The following MECOM variants were observed in gnomAD, a reference collection of about 807,000 sequenced individuals.
The protein encoded by MECOM is histone-lysine N-methyltransferase MECOM.
A neutral mutation model predicts 116.3 loss-of-function variants in MECOM; 13 were observed. The ratio of observed to expected loss-of-function variants is 0.11; its 90% CI spans 0.07 to 0.18. MECOM has a LOEUF of 0.18. Among genes scored for constraint, MECOM ranks in the 10% least tolerant of loss-of-function variants. The probability of loss-of-function intolerance (pLI) is 1.00; values close to 1 mark genes in which losing one functional copy is unlikely to be tolerated. For synonymous variants in MECOM, 528 were observed against 535.2 expected (o/e 0.99, Z 0.19); for missense variants, 1,299 against 1,509.0 (o/e 0.86, Z 2.31).
At chr3:169,310,951 A>C (rs1718648504) in intron 2 of MECOM, among the ~76,000 whole-genome samples, 1 of 152,218 alleles carries the variant, frequency 6.6e-6, no homozygotes, top group Admixed American at 6.5e-5. Flanking sequence ...TTACCAACTA[A>C]ATGATAAATT....
chr3:169,493,867 G>C (rs1753464411), intron 1 of MECOM, among the ~76,000 whole-genome samples: 1 of 152,092 alleles, frequency 6.6e-6, no homozygotes, highest in South Asian at 2.1e-4. Context: ...CTGAAGGGAA[G>C]GAACCATAGA....
rs536734640 is a variant in MECOM at position 169,167,350 on chromosome 3, C to T, written c.376-23518G>A. Among the ~76,000 whole-genome samples the T allele has an allele frequency of 6.8e-4, 104 of 152,278 alleles. 1 individual carries two copies. The highest frequency in any genetic ancestry group is 2.4e-3 in the African/African-American group (98 of 41,558). ...TCCAGTTGGACTGCAAGCCATTGGG[C>T]TTTCCAGCCTTTTCTATGTGGTCAG... is the stretch of plus-strand genomic sequence containing the variant. On this transcript the variant is annotated intron_variant, in intron 2 of 16. Coordinates refer to ENST00000651503, the MANE Select transcript of MECOM (RefSeq NM_004991.4).
intron 1 of MECOM, among the ~76,000 whole-genome samples, chr3:169,437,737 A>G (rs1444846009): frequency 6.6e-6 from 1 of 152,218 alleles, no homozygotes; most frequent in African/African-American, 2.4e-5. Context: ...CCTTCTCTCC[A>G]GGTGCTAAAG....
chr3:169,660,781 C>T (rs1776183386), intron 1 of MECOM, among the ~76,000 whole-genome samples: 1 of 152,102 alleles, frequency 6.6e-6, no homozygotes, highest in Admixed American at 6.5e-5. Flanking sequence ...GGAAGGAAAT[C>T]GCGCTTTAAA....
Position 169,220,538 on chromosome 3 carries a change from G to A in MECOM, c.376-76706C>T, listed in dbSNP as rs980959407. Among the ~76,000 whole-genome samples the A allele has an allele frequency of 5.9e-5, 9 of 151,986 alleles. No individual in the cohort carries two copies. In the South Asian group the frequency reaches 6.2e-4, roughly 11 times the overall value. ...CACCCAGACTGGAGTGCAGTAGCTC[G>A]ATTTTGGCTCACTGCAACCTCCGCC... On this transcript the variant is annotated intron_variant, in intron 2 of 16. Coordinates refer to ENST00000651503, the MANE Select transcript of MECOM (RefSeq NM_004991.4).
intron 2 of MECOM, among the ~76,000 whole-genome samples, chr3:169,165,480 A>T (rs1241656563): frequency 6.6e-6 from 1 of 152,174 alleles, no homozygotes; most frequent in South Asian, 2.1e-4. Flanking sequence ...CACCTACAGA[A>T]CCCAACATTG....
intron 2 of MECOM, among the ~76,000 whole-genome samples, chr3:169,298,607 G>A (rs1220327715): frequency 6.6e-6 from 1 of 152,060 alleles, no homozygotes; most frequent in Non-Finnish European, 1.5e-5. Context: ...AAGATACTTA[G>A]AATAGAATGT....
chr3:169,121,380 G>T (rs891896859), intron 6 of MECOM, among the ~76,000 whole-genome samples, 171 bp from the exon 7 acceptor site: 8 of 152,124 alleles, frequency 5.3e-5, no homozygotes, highest in Admixed American at 5.2e-4. Flanking sequence ...TCTAGGGTAG[G>T]AACTGTAAAT....
rs78689854 is a variant in MECOM at position 169,644,970 on chromosome 3, G to A, written c.37+18366C>T. On this transcript the variant is annotated intron_variant, in intron 1 of 16. Transcript: ENST00000651503. ...TCTTTGAGTAAAGCCATTCTTCTTC[G>A]GCATAAGTACACACAAATGACTGTG... 3.1e-3 allele frequency among the ~76,000 whole-genome samples: 467 copies of A among 151,926 alleles called. 3 individuals carry two copies. The highest frequency in any genetic ancestry group is 0.011 in the African/African-American group (446 of 41,396).
At chr3:169,149,933 C>G (rs867312552) in intron 2 of MECOM, among the ~76,000 whole-genome samples, 84 of 116,084 alleles carry the variant, frequency 7.2e-4, no homozygotes, top group Middle Eastern at 4.4e-3. Flanking sequence ...CTTTCTCTCT[C>G]TCTGTGTGTG....
At chr3:169,423,050 A>T (rs1578055912) in intron 1 of MECOM, among the ~76,000 whole-genome samples, 1 of 152,170 alleles carries the variant, frequency 6.6e-6, no homozygotes, top group East Asian at 1.9e-4. Flanking sequence ...TGTACATAGA[A>T]ATTACCTGAG....
chr3:169,515,053 C>G (rs537813308), intron 1 of MECOM, among the ~76,000 whole-genome samples: 2 of 152,280 alleles, frequency 1.3e-5, no homozygotes, highest in African/African-American at 4.8e-5. Context: ...CATCCAACAA[C>G]TGAGAGAGCA....
At chr3:169,238,577 A>G (rs536587542) in intron 2 of MECOM, among the ~76,000 whole-genome samples, 1 of 152,334 alleles carries the variant, frequency 6.6e-6, no homozygotes, top group East Asian at 1.9e-4. Flanking sequence ...CGAACAAACC[A>G]TTGAATAAAA....
chr3:169,323,147 A>G (rs1158996252), intron 2 of MECOM, among the ~76,000 whole-genome samples: 1 of 152,096 alleles, frequency 6.6e-6, no homozygotes, highest in Non-Finnish European at 1.5e-5. Flanking sequence ...CAGAGTCATC[A>G]TATGCACTCA....
intron 1 of MECOM, chr3:169,470,174 T>C (rs1453191406): frequency 6.6e-6 from 1 of 152,226 alleles, no homozygotes; most frequent in Non-Finnish European, 1.5e-5. Context: ...TTCTAGCTTA[T>C]TGAGGAGCTC....
At chr3:169,146,248 G>A in intron 2 of MECOM, 2 of 1,189,324 alleles carry the variant, frequency 1.7e-6, no homozygotes, top group Admixed American at 3.5e-5. Context: ...GGGTCCGAAT[G>A]TGACTTTCTC....
intron 12 of MECOM, among the ~76,000 whole-genome samples, chr3:169,097,773 G>A (rs1291446376): frequency 7.7e-6 from 1 of 130,460 alleles, no homozygotes; most frequent in African/African-American, 2.8e-5. Flanking sequence ...GAAGCCAGGA[G>A]TTCAAAACCA....
chr3:169,464,792 G>A (rs1324089549), intron 1 of MECOM, among the ~76,000 whole-genome samples: 1 of 151,872 alleles, frequency 6.6e-6, no homozygotes, highest in Non-Finnish European at 1.5e-5. Context: ...CATTGTTCAT[G>A]GTCATAATCA....
At chr3:169,381,826 G>A (rs1012184199) in intron 1 of MECOM, among the ~76,000 whole-genome samples, 1 of 152,244 alleles carries the variant, frequency 6.6e-6, no homozygotes, top group East Asian at 1.9e-4. Flanking sequence ...TTATTGGTCT[G>A]ACTAAAGTAC....
Sources: gnomAD v4.1 joint callset for allele counts (sites outside exome capture counted in the v4.1 genomes callset) on GRCh38, gnomAD v4.1.1 for gene constraint, MANE v1.5 for transcripts, NCBI Gene and HGNC (gene_info 2026-07-23, HGNC 2026-07-21) for gene names.